CKMT2: variants seen among roughly 807,000 people sequenced by gnomAD.
CKMT2 encodes the protein creatine kinase, mitochondrial 2, also known as creatine kinase S-type, mitochondrial.
CKMT2 carries 43 observed loss-of-function variants against 48.9 expected under a neutral mutation model. That is an observed-to-expected ratio of 0.88 (90% confidence interval 0.69 to 1.13). The LOEUF (loss-of-function observed/expected upper bound fraction) is 1.13. Among genes scored for constraint, CKMT2 ranks in the 50% most tolerant of loss-of-function variants. The pLI, the probability that CKMT2 is intolerant of heterozygous loss-of-function variation, is 0.00. For synonymous variants in CKMT2, 206 were observed against 213.0 expected, an observed-to-expected ratio of 0.97 and a Z score of 0.29; for missense variants, 472 against 555.4, an observed-to-expected ratio of 0.85 and a Z score of 1.51.
chr5:81,260,389 T>G lies in CKMT2; in HGVS notation c.1014+1135T>G, dbSNP rs193256289. Among the ~76,000 whole-genome samples the G allele has an allele frequency of 3.3e-5, 5 of 151,772 alleles. No homozygotes were observed. The East Asian group carries it at 9.7e-4, about 29-fold the overall frequency. ...AAGATCAGAGCAGAACTGAAGGAGA[T>G]AGAGACACAAAGACACAAAAAAACC... On this transcript the variant is annotated intron_variant, in intron 8 of 9. Coordinates refer to ENST00000254035, the MANE Select transcript of CKMT2 (RefSeq NM_001099735.2).
intron 8 of CKMT2, among the ~76,000 whole-genome samples, chr5:81,261,997 T>C (rs530863945): frequency 1.3e-5 from 2 of 152,218 alleles, no homozygotes. Flanking sequence ...AACAAATATA[T>C]AGACCAATGG....
chr5:81,234,021 TAAAAAAAAAA>T (rs536455571), intron 1 of CKMT2, among the ~76,000 whole-genome samples: 2 of 91,930 alleles, frequency 2.2e-5, no homozygotes, highest in Non-Finnish European at 4.1e-5. Flanking sequence ...GGAGGTTAAT[TAAAAAAAAAA>T]AAAAAAAAAA....
chr5:81,257,925 A>AAGAC (rs1757074418), intron 7 of CKMT2, 69 bp downstream of exon 7: 6 of 1,470,592 alleles, frequency 4.1e-6, no homozygotes, highest in Non-Finnish European at 4.6e-6. Context: ...TTCTTGAAAG[A>AAGAC]AGACACTATG....
rs200289366 is a variant in CKMT2, at chr5:81,255,187, G to A, written c.642G>A (p.Thr214=). The A allele has an allele frequency of 1.3e-5, 21 of 1,614,040 alleles. No homozygotes were observed. The highest frequency in any genetic ancestry group is 6.7e-5 in the Admixed American group (4 of 60,016). The change falls in exon 5 of 10, where the codon ACG becomes ACA. Residue 214 remains threonine (T), a synonymous_variant. Transcript: ENST00000254035. ...GCTACTACAAGCTGTCCGAGATGAC[G>A]GAGCAGGACCAGCAGCGGCTCATCG... ...AGRYYKLSEM[T]EQDQQRLIDD... is the part of the protein sequence containing the mutation.
chr5:81,239,401 T>C (rs982990621), intron 1 of CKMT2: 4 of 152,152 alleles, frequency 2.6e-5, no homozygotes, highest in African/African-American at 7.2e-5. Flanking sequence ...CTTTCTTTTT[T>C]TTGGCAGCAT....
intron 1 of CKMT2, among the ~76,000 whole-genome samples, chr5:81,243,626 T>C (rs1350256525): frequency 2.0e-5 from 3 of 152,164 alleles, no homozygotes; most frequent in Admixed American, 6.5e-5. Context: ...CCTGATGTTC[T>C]GGGCCCCCAT....
At position 81,263,536 on chromosome 5, in the gene CKMT2, C is replaced by T. The variant is rs759633825; in HGVS notation, c.1060C>T (p.Arg354Cys). 17 of 1,613,052 alleles carry T rather than the reference C, an allele frequency of 1.1e-5. No individual in the cohort carries two copies. The highest frequency in any genetic ancestry group is 8.9e-5 in the East Asian group (4 of 44,868). The part of the protein sequence containing the change: ...KILENLRLQK[R>C]GTGGVDTAAV... ...CCTGGAAAACCTAAGACTCCAGAAG[C>T]GTGGCACAGGTGGTGTGGACACTGC... The change falls in exon 9 of 10, where the codon CGT becomes TGT. Residue 354 changes from arginine (R) to cysteine (C), a missense_variant. By Grantham distance (180) the Arg-to-Cys change is radical. Coordinates refer to ENST00000254035, the MANE Select transcript of CKMT2 (RefSeq NM_001099735.2).
chr5:81,242,659 C>T (rs975173992), intron 1 of CKMT2: 19 of 226,028 alleles, frequency 8.4e-5, no homozygotes, highest in African/African-American at 4.1e-4. Flanking sequence ...GAGAAAAAGG[C>T]GTTTATTGCT....
chr5:81,234,966 AAGGTGACTGCTGG>A, intron 1 of CKMT2, among the ~76,000 whole-genome samples: 1 of 152,292 alleles, frequency 6.6e-6, no homozygotes, highest in South Asian at 2.1e-4. Flanking sequence ...ACCCATGCTG[AAGGTGACTGCTGG>A]AGGTCACACT....
At chr5:81,246,069 C>G (rs1756600347) in intron 1 of CKMT2, among the ~76,000 whole-genome samples, 1 of 151,976 alleles carries the variant, frequency 6.6e-6, no homozygotes, top group African/African-American at 2.4e-5. Flanking sequence ...CTCACCTGGA[C>G]AATGTCTAGG....
chr5:81,246,261 C>T (rs1192377821), intron 1 of CKMT2, among the ~76,000 whole-genome samples: 3 of 151,598 alleles, frequency 2.0e-5, no homozygotes, highest in Non-Finnish European at 4.4e-5. Flanking sequence ...GTCTCGGGGC[C>T]TGCACACCTG....
chr5:81,257,069 A>G, intron 6 of CKMT2, 69 bp downstream of exon 6: 1 of 1,299,048 alleles, frequency 7.7e-7, no homozygotes, highest in Non-Finnish European at 1.1e-6. Flanking sequence ...TGCTTATCCT[A>G]ACCTGGAGTT....
chr5:81,240,582 G>C (rs150347220), intron 1 of CKMT2, among the ~76,000 whole-genome samples: 4 of 152,326 alleles, frequency 2.6e-5, no homozygotes, highest in African/African-American at 9.6e-5. Context: ...ACCCCATCTA[G>C]ACATGCTGTA....
At chr5:81,256,211 G>A (rs1297957043) in intron 5 of CKMT2, among the ~76,000 whole-genome samples, 2 of 152,144 alleles carry the variant, frequency 1.3e-5, no homozygotes, top group East Asian at 1.9e-4. Context: ...GATATGTGGA[G>A]TAGTATATTG....
chr5:81,245,234 A>G (rs1163223127), intron 1 of CKMT2: 1 of 152,154 alleles, frequency 6.6e-6, no homozygotes, highest in Non-Finnish European at 1.5e-5. Context: ...GGGGGTGGAA[A>G]GAGGGAGTAG....
rs145025526 is a variant in CKMT2, at chr5:81,265,968, A to T, written c.1141-171A>T. ...AGTAGTATCCCCATCTTAACTATGG[A>T]AAGATTGAGAGAAACCCTTATATCT... On this transcript the variant is annotated intron_variant, in intron 9 of 9. Transcript: ENST00000254035. Among the ~76,000 whole-genome samples, 330 of 152,342 alleles carry T rather than the reference A, an allele frequency of 2.2e-3. 1 individual carries two copies. Among genetic ancestry groups the T allele is most frequent in the Admixed American group, 4.8e-3 (73 of 15,298 alleles).
At chr5:81,234,597 G>A (rs1039230645) in intron 1 of CKMT2, among the ~76,000 whole-genome samples, 2 of 152,194 alleles carry the variant, frequency 1.3e-5, no homozygotes, top group African/African-American at 4.8e-5. Flanking sequence ...CCCAGACTTT[G>A]GAGTTAATCA....
intron 1 of CKMT2, among the ~76,000 whole-genome samples, chr5:81,243,394 G>C (rs1336361006): frequency 6.6e-6 from 1 of 152,076 alleles, no homozygotes; most frequent in Admixed American, 6.6e-5. Context: ...CAAACGGTAG[G>C]GGGTGATAAG....
chr5:81,242,074 G>A (rs551830490), intron 1 of CKMT2, among the ~76,000 whole-genome samples: 3 of 152,184 alleles, frequency 2.0e-5, no homozygotes, highest in African/African-American at 4.8e-5. Flanking sequence ...CATCTCTGAC[G>A]ATGGGCACGA....
Sources: gnomAD v4.1 joint callset for allele counts (sites outside exome capture counted in the v4.1 genomes callset) on GRCh38, gnomAD v4.1.1 for gene constraint, MANE v1.5 for transcripts, NCBI Gene and HGNC (gene_info 2026-07-23, HGNC 2026-07-21) for gene names.